The following RPS6KA5 variants were observed in gnomAD, a reference collection of about 807,000 sequenced individuals.
RPS6KA5 encodes ribosomal protein S6 kinase alpha-5.
A neutral mutation model predicts 85.5 loss-of-function variants in RPS6KA5; 27 were observed. The observed-to-expected ratio is 0.32, with a 90% CI of 0.23 to 0.44. RPS6KA5 has a LOEUF of 0.44. Ranked by LOEUF, RPS6KA5 falls within the 20% of genes least tolerant of loss-of-function variation. The pLI, the probability that RPS6KA5 is intolerant of heterozygous loss-of-function variation, is 1.00. For synonymous variants in RPS6KA5, 334 were observed against 348.2 expected (o/e 0.96, Z 0.46); for missense variants, 811 against 980.9 (o/e 0.83, Z 2.31).
chr14:91,024,889 A>T (rs79629435), intron 1 of RPS6KA5, among the ~76,000 whole-genome samples: 2,957 of 151,450 alleles, frequency 0.02, 74 homozygotes, highest in African/African-American at 0.054. Flanking sequence ...TTTTTTTTTT[A>T]AATTTTTTTT....
intron 3 of RPS6KA5, among the ~76,000 whole-genome samples, chr14:90,948,145 C>G (rs1457651007): frequency 6.6e-6 from 1 of 152,066 alleles, no homozygotes; most frequent in Non-Finnish European, 1.5e-5. Context: ...CTATTTATCC[C>G]AAGGGGGATA....
At chr14:90,964,976 T>C (rs549880480) in intron 3 of RPS6KA5, among the ~76,000 whole-genome samples, 1 of 148,922 alleles carries the variant, frequency 6.7e-6, no homozygotes, top group Non-Finnish European at 1.5e-5. Context: ...CAAACTTGGA[T>C]TGGCAAGTCA....
intron 13 of RPS6KA5, among the ~76,000 whole-genome samples, chr14:90,893,494 A>G (rs1358882149): frequency 6.6e-6 from 1 of 152,178 alleles, no homozygotes; most frequent in African/African-American, 2.4e-5. Flanking sequence ...TTCCATTTTT[A>G]AAACATCCTC....
At chr14:90,991,338 T>C (rs867429870) in intron 2 of RPS6KA5, among the ~76,000 whole-genome samples, 1 of 152,128 alleles carries the variant, frequency 6.6e-6, no homozygotes, top group Non-Finnish European at 1.5e-5. Flanking sequence ...TTTCCGTTCT[T>C]AGGCCCAGAA....
At chr14:90,961,015 G>A (rs765803864) in intron 3 of RPS6KA5, among the ~76,000 whole-genome samples, 1 of 152,148 alleles carries the variant, frequency 6.6e-6, no homozygotes, top group African/African-American at 2.4e-5. Context: ...GATAGGCAGG[G>A]GAAGTGGGAA....
chr14:91,048,400 T>A (rs1595555662), intron 1 of RPS6KA5, among the ~76,000 whole-genome samples: 1 of 152,030 alleles, frequency 6.6e-6, no homozygotes, highest in Non-Finnish European at 1.5e-5. Flanking sequence ...GAGTGTGAAA[T>A]AAAATAACTG....
chr14:91,025,744 T>C (rs1342465946), intron 1 of RPS6KA5, among the ~76,000 whole-genome samples: 2 of 151,062 alleles, frequency 1.3e-5, no homozygotes, highest in African/African-American at 4.9e-5. Context: ...TCTAAAGATT[T>C]AAAACCTCCC....
chr14:91,035,113 A>G (rs573661354), intron 1 of RPS6KA5, among the ~76,000 whole-genome samples: 1 of 152,192 alleles, frequency 6.6e-6, no homozygotes, highest in South Asian at 2.1e-4. Context: ...AGGAAAGATG[A>G]TAATTTGAGC....
intron 14 of RPS6KA5, among the ~76,000 whole-genome samples, chr14:90,881,272 G>A (rs774146164): frequency 2.6e-5 from 4 of 151,182 alleles, no homozygotes; most frequent in African/African-American, 7.3e-5. Flanking sequence ...CCAATATGGC[G>A]AAACCCCATC....
chr14:90,946,925 T>C (rs1343139692), intron 4 of RPS6KA5, among the ~76,000 whole-genome samples: 1 of 152,136 alleles, frequency 6.6e-6, no homozygotes, highest in East Asian at 1.9e-4. Context: ...TCATCCTACC[T>C]GGGGACAATG....
intron 12 of RPS6KA5, among the ~76,000 whole-genome samples, chr14:90,896,109 G>A (rs1448037311): frequency 6.6e-6 from 1 of 152,226 alleles, no homozygotes; most frequent in African/African-American, 2.4e-5. Context: ...ACAAATTGCA[G>A]AGTGAACAAC....
rs2032834609 is a variant in RPS6KA5 at position 90,867,059 on chromosome 14, T to C, written c.*5015A>G. On this transcript the variant is annotated 3_prime_UTR_variant, in exon 17 of 17. Coordinates refer to ENST00000614987, the MANE Select transcript of RPS6KA5 (RefSeq NM_004755.4). ...TGCACATTTCACATGACCAGCCTCT[T>C]ATGTAGTTAAAAATAAAACTGCAGT... 1 of 152,188 alleles carries C rather than the reference T, an allele frequency of 6.6e-6. No homozygotes were observed. The highest frequency in any genetic ancestry group is 6.6e-5 in the Admixed American group (1 of 15,264). 9.4% of individuals were successfully genotyped at this position (152,188 alleles called of 1,614,324 possible).
At chr14:90,982,402 C>CA (rs2039833794) in intron 2 of RPS6KA5, among the ~76,000 whole-genome samples, 1 of 152,046 alleles carries the variant, frequency 6.6e-6, no homozygotes, top group African/African-American at 2.4e-5. Flanking sequence ...TTTGAGACAG[C>CA]AGTGAGCCAT....
intron 1 of RPS6KA5, among the ~76,000 whole-genome samples, chr14:91,045,337 T>G (rs941647693): frequency 3.3e-5 from 5 of 150,990 alleles, no homozygotes; most frequent in African/African-American, 1.2e-4. Context: ...TGATCTTGGC[T>G]CACTGCAACC....
At chr14:91,044,113 G>A (rs1339473920) in intron 1 of RPS6KA5, among the ~76,000 whole-genome samples, 1 of 151,898 alleles carries the variant, frequency 6.6e-6, no homozygotes, top group Non-Finnish European at 1.5e-5. Flanking sequence ...TGTAATCCCA[G>A]CTACTTGGGA....
chr14:90,927,144 AGGGT>A (rs2036719263), intron 5 of RPS6KA5, among the ~76,000 whole-genome samples: 2 of 152,150 alleles, frequency 1.3e-5, no homozygotes, highest in Non-Finnish European at 2.9e-5. Context: ...GTCTAAAATC[AGGGT>A]AATATTACAG....
rs1421592525 is a variant in RPS6KA5, at chr14:90,867,931, G to C, written c.*4143C>G. The C allele has an allele frequency of 6.6e-6, 1 of 152,082 alleles. No individual in the cohort carries two copies. The highest frequency in any genetic ancestry group is 1.5e-5 in the Non-Finnish European group (1 of 68,004). The allele number at this position is 152,082 out of a possible 1,614,324, so 9.4% of individuals were successfully genotyped here. On this transcript the variant is annotated 3_prime_UTR_variant, in exon 17 of 17. Coordinates refer to ENST00000614987, the MANE Select transcript of RPS6KA5 (RefSeq NM_004755.4). ...CTACTTAATTACATAACAGGGAGCT[G>C]GGCATACAAAGAAAAGGGCTCAGAA...
chr14:90,952,659 ATCGGCT>A (rs2038266088), intron 3 of RPS6KA5, among the ~76,000 whole-genome samples: 1 of 152,262 alleles, frequency 6.6e-6, no homozygotes. Context: ...TGGCTTGGGG[ATCGGCT>A]AATGAGTCTC....
chr14:90,873,626 C>A lies in RPS6KA5; in HGVS notation c.2160+6G>T. The A allele has an allele frequency of 6.2e-7, 1 of 1,613,266 alleles. No homozygotes were observed. The highest frequency in any genetic ancestry group is 8.5e-7 in the Non-Finnish European group (1 of 1,179,480). Reference sequence around the variant, plus strand: ...CGCCCAACATGTACAGAGCACAGGGCCTTACGTGGAAGGTTGCTTTCACAC... The same window carrying A: ...CGCCCAACATGTACAGAGCACAGGGACTTACGTGGAAGGTTGCTTTCACAC... On this transcript the variant is annotated splice_donor_region_variant and intron_variant, in intron 16 of 16. Transcript: ENST00000614987.
Sources: gnomAD v4.1 joint callset for allele counts (sites outside exome capture counted in the v4.1 genomes callset) on GRCh38, gnomAD v4.1.1 for gene constraint, MANE v1.5 for transcripts, NCBI Gene and HGNC (gene_info 2026-07-23, HGNC 2026-07-21) for gene names.